The following PPFIBP2 variants were observed in gnomAD, a reference collection of about 807,000 sequenced individuals.
The protein encoded by PPFIBP2 is liprin-beta-2.
PPFIBP2 carries 118 observed loss-of-function variants against 118.3 expected under a neutral mutation model. The ratio of observed to expected loss-of-function variants is 1.00; its 90% CI spans 0.86 to 1.16. The LOEUF (loss-of-function observed/expected upper bound fraction) is 1.16. Ranked by LOEUF, PPFIBP2 falls within the 50% of genes most tolerant of loss-of-function variation. The pLI, the probability that PPFIBP2 is intolerant of heterozygous loss-of-function variation, is 0.00. For synonymous variants in PPFIBP2, 414 were observed against 397.4 expected (o/e 1.04, Z -0.50); for missense variants, 1,195 against 1,073.1 (o/e 1.11, Z -1.59).
At chr11:7,631,801 C>T (rs1013144710) in intron 11 of PPFIBP2, among the ~76,000 whole-genome samples, 6 of 152,182 alleles carry the variant, frequency 3.9e-5, no homozygotes, top group African/African-American at 1.2e-4. Context: ...TACAGAATAG[C>T]GGTGTCCAAG....
rs751021981 is a variant in PPFIBP2, at chr11:7,597,590, C to G, written c.403C>G (p.Gln135Glu). 2 of 1,613,976 alleles carry G rather than the reference C, an allele frequency of 1.2e-6. No homozygotes were observed. Among genetic ancestry groups the G allele is most frequent in the Non-Finnish European group, 1.7e-6 (2 of 1,180,002 alleles). Residue 135 changes from glutamine to glutamate, a missense_variant, in exon 5 of 24, where the codon CAG (glutamine) becomes GAG (glutamate). By Grantham distance (29) the Gln-to-Glu change is conservative (BLOSUM62 2). Coordinates refer to ENST00000299492, the MANE Select transcript of PPFIBP2 (RefSeq NM_003621.5). ...VSVLTDQVEA[Q>E]GEKIRDLEVC... is the part of the protein sequence containing the mutation. ...TGTCCTCACAGACCAAGTAGAAGCC[C>G]AGGGAGAAAAGATTCGAGACCTGGA...
At chr11:7,578,070 T>A (rs11041462) in intron 3 of PPFIBP2, among the ~76,000 whole-genome samples, 26,939 of 152,196 alleles carry the variant, frequency 0.18, 2,443 homozygotes, top group East Asian at 0.26. Context: ...GGAGCACACA[T>A]CTGCTGTCAG....
intron 1 of PPFIBP2, among the ~76,000 whole-genome samples, chr11:7,518,795 C>G (rs745754906): frequency 6.6e-6 from 1 of 152,174 alleles, no homozygotes; most frequent in Non-Finnish European, 1.5e-5. Context: ...TCAGCTCTTG[C>G]TACTTCCCAA....
Position 7,594,903 on chromosome 11 carries a change from C to G in PPFIBP2, c.372+1679C>G, listed in dbSNP as rs1353623256. Among the ~76,000 whole-genome samples the G allele has an allele frequency of 2.5e-5, 3 of 121,512 alleles. No individual in the cohort carries two copies. The Admixed American group carries it at 3.4e-4, about 14-fold the overall frequency. 79.7% of individuals were successfully genotyped at this position (121,512 alleles called of 152,430 possible). A position where few individuals can be genotyped will look rare whatever the true frequency, so the allele number is the denominator to read the frequency against. Reference sequence around the variant, plus strand: ...CTGTGCTCCAGCCTGGGCAACAGAGCGAGACTCCATCTCAAAAAAAAAAAA... The same window carrying G: ...CTGTGCTCCAGCCTGGGCAACAGAGGGAGACTCCATCTCAAAAAAAAAAAA... On this transcript the variant is annotated intron_variant, in intron 4 of 23. Transcript: ENST00000299492.
chr11:7,561,735 A>T (rs893560193), intron 2 of PPFIBP2, among the ~76,000 whole-genome samples: 5 of 152,240 alleles, frequency 3.3e-5, no homozygotes, highest in African/African-American at 1.2e-4. Context: ...TGTAACATAA[A>T]TTACCCCAAA....
At chr11:7,525,279 C>A (rs2134288471) in intron 1 of PPFIBP2, among the ~76,000 whole-genome samples, 1 of 152,276 alleles carries the variant, frequency 6.6e-6, no homozygotes, top group East Asian at 1.9e-4. Context: ...CATTCCTCAT[C>A]TGTTTAATGG....
chr11:7,540,348 A>G (rs1159806796), intron 1 of PPFIBP2, among the ~76,000 whole-genome samples: 1 of 152,166 alleles, frequency 6.6e-6, no homozygotes, highest in African/African-American at 2.4e-5. Context: ...ATGAGGGGAC[A>G]GATCTGAAAG....
In PPFIBP2 at chr11:7,559,877, C is replaced by T. The variant is rs138543290; in HGVS notation, c.65-5676C>T. Reference sequence around the variant, plus strand: ...TCACTGTTGAGTTCACTCTTTGTTTCTGGTACCCAAGGTTTTTACTGTCTT... The same window carrying T: ...TCACTGTTGAGTTCACTCTTTGTTTTTGGTACCCAAGGTTTTTACTGTCTT... On this transcript the variant is annotated intron_variant, in intron 2 of 23. Transcript: ENST00000299492. 2.3e-3 allele frequency among the ~76,000 whole-genome samples: 344 copies of T among 152,222 alleles called. 3 individuals are homozygous for T. Among genetic ancestry groups the T allele is most frequent in the Middle Eastern group, 0.01 (3 of 294 alleles).
chr11:7,586,649 G>A (rs1649374405), intron 3 of PPFIBP2, among the ~76,000 whole-genome samples: 1 of 152,216 alleles, frequency 6.6e-6, no homozygotes, highest in African/African-American at 2.4e-5. Context: ...CACATGGTTA[G>A]GTGCAGCCCC....
intron 3 of PPFIBP2, among the ~76,000 whole-genome samples, chr11:7,590,641 T>C (rs191115967): frequency 7.2e-5 from 11 of 152,380 alleles, no homozygotes; most frequent in Non-Finnish European, 1.3e-4. Flanking sequence ...TCAAACATTA[T>C]GTCAAAGTGC....
intron 3 of PPFIBP2, among the ~76,000 whole-genome samples, chr11:7,578,521 C>T (rs1856789661): frequency 6.6e-6 from 1 of 152,226 alleles, no homozygotes; most frequent in Admixed American, 6.5e-5. Flanking sequence ...CAGCAGCACT[C>T]ATTCAGCAAA....
chr11:7,608,065 A>C lies in PPFIBP2; in HGVS notation c.487-2226A>C, dbSNP rs1847610514. On this transcript the variant is annotated intron_variant, in intron 5 of 23. Transcript: ENST00000299492. ...TCACGTACTCAAGACTCAGAGACTCAGATAACTTATTTTATGTGCCCTCAC... is the reference window on the plus strand; with the variant it reads ...TCACGTACTCAAGACTCAGAGACTCCGATAACTTATTTTATGTGCCCTCAC... 2.6e-5 allele frequency among the ~76,000 whole-genome samples: 4 copies of C among 152,300 alleles called. No individual in the cohort carries two copies. In the South Asian group the frequency reaches 8.3e-4, roughly 32 times the overall value.
chr11:7,546,988 A>G (rs1483664065), intron 1 of PPFIBP2, among the ~76,000 whole-genome samples: 1 of 152,242 alleles, frequency 6.6e-6, no homozygotes, highest in Non-Finnish European at 1.5e-5. Flanking sequence ...TGCTGGCTGC[A>G]TGGATCTGTC....
At chr11:7,638,586 C>A (rs2135854562) in intron 14 of PPFIBP2, among the ~76,000 whole-genome samples, 1 of 152,352 alleles carries the variant, frequency 6.6e-6, no homozygotes, top group Admixed American at 6.5e-5. Flanking sequence ...TAAGATGTCT[C>A]AGTCACAGCA....
rs764587565 is a variant in PPFIBP2, at chr11:7,634,515, G to A, written c.1157G>A (p.Cys386Tyr). Residue 386 changes from cysteine (C) to tyrosine (Y), a missense_variant, in exon 13 of 24, where the codon TGT (cysteine) becomes TAT (tyrosine). By Grantham distance (194) the Cys-to-Tyr change is radical (BLOSUM62 -2). Transcript: ENST00000299492. The part of the protein sequence containing the change: ...LETRAQKKLS[C>Y]SLEDLRSESV... ...TTCAGGGCTCAGAAAAAGCTCTCTTGTAGTCTAGAAGACTTGAGAAGTGAA... is the reference window on the plus strand; with the variant it reads ...TTCAGGGCTCAGAAAAAGCTCTCTTATAGTCTAGAAGACTTGAGAAGTGAA... The A allele has an allele frequency of 2.8e-5, 45 of 1,612,862 alleles. No homozygotes were observed. Among genetic ancestry groups the A allele is most frequent in the Non-Finnish European group, 3.6e-5 (43 of 1,179,140 alleles).
chr11:7,622,962 G>A (rs1376074158), intron 7 of PPFIBP2, among the ~76,000 whole-genome samples: 1 of 152,182 alleles, frequency 6.6e-6, no homozygotes, highest in African/African-American at 2.4e-5. Context: ...CAGGTGTGGA[G>A]CACTTCCTAT....
At chr11:7,655,488 A>G (rs772595742), downstream of PPFIBP2, 10 of 1,289,652 alleles carry the variant, frequency 7.8e-6, no homozygotes, top group Admixed American at 2.1e-4. Flanking sequence ...CAAGACATTC[A>G]CCGCCTTACG....
At chr11:7,575,613 C>G (rs923139472) in intron 3 of PPFIBP2, among the ~76,000 whole-genome samples, 1 of 152,204 alleles carries the variant, frequency 6.6e-6, no homozygotes, top group Non-Finnish European at 1.5e-5. Context: ...CCAGATATAC[C>G]TTTATTGCAT....
rs144018521 is a variant in PPFIBP2, at chr11:7,599,016, G to A, written c.486+1343G>A. On this transcript the variant is annotated intron_variant, in intron 5 of 23. Coordinates refer to ENST00000299492, the MANE Select transcript of PPFIBP2 (RefSeq NM_003621.5). ...ATTAATAAATTACCACATTCTTGGC[G>A]CCATTTGATTTTCTACTTAGGTTGT... is the stretch of plus-strand genomic sequence containing the variant. Among the ~76,000 whole-genome samples the A allele has an allele frequency of 8.4e-5, 12 of 142,986 alleles. No homozygotes were observed. In the East Asian group the frequency reaches 1.1e-3, roughly 13 times the overall value. The allele number at this position is 142,986 out of a possible 152,430, so 93.8% of individuals were successfully genotyped here. A position where few individuals can be genotyped will look rare whatever the true frequency, so the allele number is the denominator to read the frequency against.
Sources: gnomAD v4.1 joint callset for allele counts (sites outside exome capture counted in the v4.1 genomes callset) on GRCh38, gnomAD v4.1.1 for gene constraint, MANE v1.5 for transcripts, NCBI Gene and HGNC (gene_info 2026-07-23, HGNC 2026-07-21) for gene names.